EMSY: variants seen among roughly 807,000 people sequenced by gnomAD.
The protein encoded by EMSY is BRCA2-interacting transcriptional repressor EMSY.
A neutral mutation model predicts 134.6 loss-of-function variants in EMSY; 26 were observed. The observed-to-expected ratio is 0.19, with a 90% CI of 0.14 to 0.27. The LOEUF (loss-of-function observed/expected upper bound fraction) is 0.27, where lower values mean the gene tolerates loss of function less well. Among genes scored for constraint, EMSY ranks in the 10% least tolerant of loss-of-function variants. The pLI is 1.00. For missense variants in EMSY, 1,305 were observed against 1,611.4 expected, an observed-to-expected ratio of 0.81 and a Z score of 3.26; for synonymous variants, 579 against 577.8, an observed-to-expected ratio of 1.00 and a Z score of -0.03.
intron 18 of EMSY, among the ~76,000 whole-genome samples, 161 bp from the exon 20 acceptor site, chr11:76,544,098 A>C (rs1167020235): frequency 1.3e-5 from 2 of 152,182 alleles, no homozygotes; most frequent in East Asian, 1.9e-4. Context: ...GAGAGTTGAA[A>C]TTGCAAGTTG....
chr11:76,452,650 G>A (rs535191575), intron 3 of EMSY, among the ~76,000 whole-genome samples: 2 of 152,104 alleles, frequency 1.3e-5, no homozygotes, highest in South Asian at 4.2e-4. Flanking sequence ...GAATGGAATG[G>A]GTATAACCTT....
chr11:76,449,167 G>A (rs548652279), intron 2 of EMSY, among the ~76,000 whole-genome samples: 28 of 152,290 alleles, frequency 1.8e-4, no homozygotes, highest in Non-Finnish European at 4.0e-4. Flanking sequence ...TTAACACTGT[G>A]ATAGAATTGC....
At chr11:76,524,059 A>G (rs1950756374) in intron 12 of EMSY, among the ~76,000 whole-genome samples, 1 of 152,268 alleles carries the variant, frequency 6.6e-6, no homozygotes, top group East Asian at 1.9e-4. Flanking sequence ...CAAACAAAAA[A>G]TAAATAAATA....
At chr11:76,515,383 G>A (rs1349404081) in intron 10 of EMSY, among the ~76,000 whole-genome samples, 9 of 151,998 alleles carry the variant, frequency 5.9e-5, no homozygotes, top group African/African-American at 1.7e-4. Context: ...GGATTTGTAA[G>A]AAACTACAAC....
At chr11:76,541,675 T>C (rs1951445628) in intron 17 of EMSY, among the ~76,000 whole-genome samples, 3 of 152,212 alleles carry the variant, frequency 2.0e-5, no homozygotes, top group Admixed American at 2.0e-4. Flanking sequence ...ACCCAGACCT[T>C]TAGATTTTTA....
At chr11:76,518,385 C>T (rs1950523467) in intron 11 of EMSY, among the ~76,000 whole-genome samples, 2 of 151,494 alleles carry the variant, frequency 1.3e-5, no homozygotes, top group South Asian at 4.2e-4. Flanking sequence ...CCAGGCTGGT[C>T]TCAAACTCCT....
intron 8 of EMSY, among the ~76,000 whole-genome samples, chr11:76,482,196 A>C (rs1949009623): frequency 6.6e-6 from 1 of 152,204 alleles, no homozygotes; most frequent in Admixed American, 6.5e-5. Context: ...AGAAAGGAAT[A>C]GCATCAACAT....
At chr11:76,480,920 C>T (rs1948952180) in intron 8 of EMSY, among the ~76,000 whole-genome samples, 1 of 152,250 alleles carries the variant, frequency 6.6e-6, no homozygotes, top group South Asian at 2.1e-4. Flanking sequence ...CTTTGCAACC[C>T]ACAGACCAGG....
intron 7 of EMSY, among the ~76,000 whole-genome samples, chr11:76,470,601 C>G (rs897300182): frequency 3.3e-5 from 5 of 152,136 alleles, no homozygotes; most frequent in African/African-American, 1.2e-4. Flanking sequence ...CAGGCAGCCT[C>G]TATCATTTTC....
chr11:76,547,710 A>G (rs912320745), intron 20 of EMSY, among the ~76,000 whole-genome samples: 11 of 152,232 alleles, frequency 7.2e-5, no homozygotes, highest in Non-Finnish European at 1.0e-4. Flanking sequence ...TATCATGCCT[A>G]CTGGGGGCTT....
At chr11:76,526,701 T>G in intron 13 of EMSY, 66 bp downstream of exon 14, 713 of 1,297,500 alleles carry the variant, frequency 5.5e-4, no homozygotes, top group Non-Finnish European at 6.8e-4. Flanking sequence ...AATTCCCGGG[T>G]AGAAATTTGA....
intron 14 of EMSY, among the ~76,000 whole-genome samples, chr11:76,532,094 A>G (rs1326068758): frequency 2.0e-5 from 3 of 152,136 alleles, no homozygotes; most frequent in South Asian, 4.2e-4. Context: ...AACACTGACA[A>G]TTTTATTTTG....
rs73493496 is a variant in EMSY at position 76,497,382 on chromosome 11, G to A, written c.1363+913G>A. On this transcript the variant is annotated intron_variant, in intron 9 of 20. Coordinates refer to ENST00000334736, the Ensembl canonical transcript of EMSY. Reference sequence around the variant, plus strand: ...CCGGCCTCATAAGGTGAGTTTGGAAGTATTTATTTCCTTTCTATTTTTTGG... The same window carrying A: ...CCGGCCTCATAAGGTGAGTTTGGAAATATTTATTTCCTTTCTATTTTTTGG... Among the ~76,000 whole-genome samples, 744 of 152,286 alleles carry A rather than the reference G, an allele frequency of 4.9e-3. 4 individuals are homozygous for A. Among genetic ancestry groups the A allele is most frequent in the African/African-American group, 0.017 (706 of 41,570 alleles).
intron 8 of EMSY, among the ~76,000 whole-genome samples, chr11:76,493,844 G>T (rs1038964130): frequency 6.6e-6 from 1 of 152,212 alleles, no homozygotes; most frequent in African/African-American, 2.4e-5. Context: ...GACTGAAAGA[G>T]CTGTAACACA....
rs575069163 is a variant in EMSY at position 76,488,612 on chromosome 11, G to C, written c.1109-7603G>C. Among the ~76,000 whole-genome samples the C allele has an allele frequency of 2.0e-5, 3 of 151,422 alleles. No homozygotes were observed. The East Asian group carries it at 5.8e-4, about 29-fold the overall frequency. ...ATATCCAAACTTACTTGCAAAATAC[G>C]ATGTGATTGAATGAATATCTTTACA... On this transcript the variant is annotated intron_variant, in intron 8 of 20. Coordinates refer to ENST00000334736, the Ensembl canonical transcript of EMSY.
chr11:76,446,552 T>A (rs1460559532), intron 1 of EMSY, among the ~76,000 whole-genome samples: 1 of 152,146 alleles, frequency 6.6e-6, no homozygotes, highest in East Asian at 1.9e-4. Flanking sequence ...TGCCAGCCAC[T>A]ATGAAAGAAC....
At chr11:76,474,271 G>T (rs1948693831) in intron 8 of EMSY, among the ~76,000 whole-genome samples, 3 of 152,264 alleles carry the variant, frequency 2.0e-5, no homozygotes, top group Non-Finnish European at 4.4e-5. Context: ...GGTCTTAAGA[G>T]AGTGATTAGA....
chr11:76,540,517 G>C (rs1235080363), intron 17 of EMSY, among the ~76,000 whole-genome samples: 1 of 152,162 alleles, frequency 6.6e-6, no homozygotes, highest in African/African-American at 2.4e-5. Context: ...GAATACTGGT[G>C]ATGCTGCCTA....
At chr11:76,505,437 G>T (rs958485862) in intron 9 of EMSY, among the ~76,000 whole-genome samples, 7 of 144,754 alleles carry the variant, frequency 4.8e-5, no homozygotes, top group African/African-American at 1.8e-4. Flanking sequence ...CTGACTTCAA[G>T]TGATCCACCT....
Sources: allele counts gnomAD v4.1 joint callset (sites outside exome capture counted in the v4.1 genomes callset), GRCh38; gene constraint gnomAD v4.1.1; transcripts MANE v1.5; gene names NCBI Gene and HGNC (gene_info 2026-07-23, HGNC 2026-07-21).